The following SPMIP2 variants were observed in gnomAD, a reference collection of about 807,000 sequenced individuals.
SPMIP2 encodes the protein protein SPMIP2.
chr4:159,030,463 T>TTTTATTTATTTA, the SPMIP2 span, among the ~76,000 whole-genome samples: 35 of 142,330 alleles, frequency 2.5e-4, no homozygotes, highest in African/African-American at 7.6e-4. Flanking sequence ...GAAAGCAAAA[T>TTTTATTTATTTA]TTTATTTATT....
chr4:158,947,354 G>T, the SPMIP2 span, among the ~76,000 whole-genome samples: 1 of 152,090 alleles, frequency 6.6e-6, no homozygotes, highest in South Asian at 2.1e-4. Flanking sequence ...AACTGGTTTT[G>T]GCAGTATTTC....
the SPMIP2 span, among the ~76,000 whole-genome samples, chr4:159,014,463 G>A: frequency 3.3e-5 from 5 of 152,048 alleles, no homozygotes. Flanking sequence ...AAAAAAAATT[G>A]CAGCCCCAAA....
chr4:158,999,194 ACC>A, the SPMIP2 span, among the ~76,000 whole-genome samples: 323 of 150,784 alleles, frequency 2.1e-3, 1 homozygote, highest in African/African-American at 7.4e-3. Context: ...ACAAAAAAAA[ACC>A]CAAAAAAACC....
chr4:158,961,239 T>A, the SPMIP2 span, among the ~76,000 whole-genome samples: 1 of 152,150 alleles, frequency 6.6e-6, no homozygotes, highest in African/African-American at 2.4e-5. Flanking sequence ...TGTTACTTAG[T>A]ACTTTTTAAA....
chr4:158,936,342 C>T, the SPMIP2 span, among the ~76,000 whole-genome samples: 1 of 152,206 alleles, frequency 6.6e-6, no homozygotes, highest in Middle Eastern at 3.2e-3. Context: ...AATGTGGAAA[C>T]TTCCCTTTAG....
chr4:158,914,008 C>A, the SPMIP2 span, among the ~76,000 whole-genome samples: 1 of 152,122 alleles, frequency 6.6e-6, no homozygotes, highest in African/African-American at 2.4e-5. Context: ...GCTGTTGTTA[C>A]AACATGCTCT....
At chr4:159,044,244 C>T in the SPMIP2 span, among the ~76,000 whole-genome samples, 2 of 151,576 alleles carry the variant, frequency 1.3e-5, no homozygotes, top group African/African-American at 4.9e-5. Flanking sequence ...GGCACGGTGC[C>T]TGTAGTCCCA....
chr4:158,925,550 C>CA, the SPMIP2 span, among the ~76,000 whole-genome samples: 1 of 152,104 alleles, frequency 6.6e-6, no homozygotes, highest in Non-Finnish European at 1.5e-5. Flanking sequence ...ATGAAACTGT[C>CA]ACCTCAGATC....
chr4:159,038,229 C>T, the SPMIP2 span, among the ~76,000 whole-genome samples: 4 of 152,320 alleles, frequency 2.6e-5, no homozygotes, highest in South Asian at 8.3e-4. Context: ...AACCCTGCCA[C>T]CATCATGGTT....
chr4:158,994,164 T>C, the SPMIP2 span, among the ~76,000 whole-genome samples: 1 of 152,230 alleles, frequency 6.6e-6, no homozygotes, highest in African/African-American at 2.4e-5. Flanking sequence ...GGAGAAGAGT[T>C]GTATCTTATT....
At chr4:159,053,726 T>C in the SPMIP2 span, among the ~76,000 whole-genome samples, 4 of 152,160 alleles carry the variant, frequency 2.6e-5, no homozygotes, top group African/African-American at 9.7e-5. Flanking sequence ...CTTCCTTCTT[T>C]TCTTCCTCCC....
At chr4:158,964,023 C>T in the SPMIP2 span, among the ~76,000 whole-genome samples, 10 of 151,872 alleles carry the variant, frequency 6.6e-5, no homozygotes, top group Non-Finnish European at 1.3e-4. Flanking sequence ...GGCATGGTGG[C>T]GGGTGCCTGT....
At chr4:158,893,597 G>C in the SPMIP2 span, 1 of 1,010,942 alleles carries the variant, frequency 9.9e-7, no homozygotes, top group South Asian at 1.5e-5. Context: ...ATCTGTCCTG[G>C]GGCAATATGA....
the SPMIP2 span, among the ~76,000 whole-genome samples, chr4:159,036,326 GCAGA>G: frequency 6.6e-6 from 1 of 152,242 alleles, no homozygotes; most frequent in Non-Finnish European, 1.5e-5. Context: ...AGGACTGTCA[GCAGA>G]CAGTGTCCAG....
At chr4:158,962,399 A>G in the SPMIP2 span, among the ~76,000 whole-genome samples, 2 of 152,172 alleles carry the variant, frequency 1.3e-5, no homozygotes, top group Non-Finnish European at 2.9e-5. Context: ...TTCCATCTCT[A>G]TAACTATGAG....
At chr4:158,942,543 C>T in the SPMIP2 span, among the ~76,000 whole-genome samples, 8 of 152,104 alleles carry the variant, frequency 5.3e-5, no homozygotes, top group South Asian at 6.2e-4. Flanking sequence ...CCAAGGCAGG[C>T]GGATCACTTG....
At chr4:159,011,471 C>T in the SPMIP2 span, among the ~76,000 whole-genome samples, 1 of 152,202 alleles carries the variant, frequency 6.6e-6, no homozygotes, top group Admixed American at 6.5e-5. Context: ...ATTATTCTGG[C>T]TGGACGCGGT....
the SPMIP2 span, among the ~76,000 whole-genome samples, chr4:159,018,138 C>T: frequency 1.3e-5 from 2 of 152,078 alleles, no homozygotes; most frequent in African/African-American, 4.8e-5. Context: ...ATCACCTGGC[C>T]CAGAAGCCAG....
chr4:158,984,403 G>A, the SPMIP2 span, among the ~76,000 whole-genome samples: 52,590 of 148,300 alleles, frequency 0.35, 9,572 homozygotes, highest in South Asian at 0.45. Flanking sequence ...CTCTGCGAAT[G>A]TAAAAGAACA....
Sources: allele counts gnomAD v4.1 joint callset (sites outside exome capture counted in the v4.1 genomes callset), GRCh38; gene constraint gnomAD v4.1.1; transcripts MANE v1.5; gene names NCBI Gene and HGNC (gene_info 2026-07-23, HGNC 2026-07-21).